The following VDR variants were observed in gnomAD, a reference collection of about 807,000 sequenced individuals.
The protein encoded by VDR is vitamin D receptor, also known as vitamin D3 receptor.
VDR carries 19 observed loss-of-function variants against 39.7 expected under a neutral mutation model. That is an observed-to-expected ratio of 0.48 (90% CI 0.33 to 0.70). The LOEUF is 0.70. Among genes scored for constraint, VDR ranks in the 30% least tolerant of loss-of-function variants. The pLI is 0.02. For synonymous variants in VDR, 242 were observed against 215.8 expected (o/e 1.12, Z -1.07); for missense variants, 442 against 570.5 (o/e 0.77, Z 2.29).
At chr12:47,884,518 A>C (rs1946218631) in intron 1 of VDR, among the ~76,000 whole-genome samples, 1 of 152,102 alleles carries the variant, frequency 6.6e-6, no homozygotes, top group African/African-American at 2.4e-5. Flanking sequence ...ACTGCTCCGC[A>C]CTGGGCCCTG....
chr12:47,859,910 C>T (rs868476415), intron 4 of VDR, among the ~76,000 whole-genome samples: 4,589 of 44,892 alleles, frequency 0.1, 563 homozygotes, highest in African/African-American at 0.14. Flanking sequence ...TCCTTCCTTC[C>T]TTCCTTCTTT....
At chr12:47,865,300 A>C (rs1299259092) in intron 3 of VDR, 123 bp from the exon 4 acceptor site, 28 of 1,452,974 alleles carry the variant, frequency 1.9e-5, no homozygotes, top group Non-Finnish European at 2.8e-6. Flanking sequence ...CATGAGGCCC[A>C]CCCCAGCTGC....
rs1390893088 is a variant in VDR, at chr12:47,842,761, CGCG to C, written c.*1982_*1984del. On this transcript the variant is annotated 3_prime_UTR_variant, in exon 10 of 10. Coordinates refer to ENST00000549336, the MANE Select transcript of VDR (RefSeq NM_000376.3). ...TGCTGGGATTACAGGCGTGAGCCAC[CGCG>C]CCGGGCCTGTCCTGGCCCACTTCTA... The C allele has an allele frequency of 6.6e-6, 1 of 151,860 alleles. No individual in the cohort carries two copies. Among genetic ancestry groups the C allele is most frequent in the Non-Finnish European group, 1.5e-5 (1 of 68,006 alleles). The allele number at this position is 151,860 out of a possible 1,614,324, so 9.4% of individuals were successfully genotyped here.
intron 1 of VDR, among the ~76,000 whole-genome samples, chr12:47,887,266 G>T (rs1237397166): frequency 3.6e-5 from 5 of 138,958 alleles, no homozygotes; most frequent in Non-Finnish European, 7.5e-5. Context: ...AGGTTGCAGT[G>T]AGCAGAGATC....
At chr12:47,874,414 C>G (rs921936878) in intron 3 of VDR, among the ~76,000 whole-genome samples, 1 of 152,176 alleles carries the variant, frequency 6.6e-6, no homozygotes, top group Non-Finnish European at 1.5e-5. Flanking sequence ...CTTCCTTTCA[C>G]ATCAGGTTGC....
intron 3 of VDR, among the ~76,000 whole-genome samples, chr12:47,866,395 G>A (rs777557139): frequency 1.3e-5 from 2 of 152,184 alleles, no homozygotes; most frequent in Admixed American, 6.5e-5. Context: ...GTGCCTGGCC[G>A]AAGAAACCTT....
chr12:47,904,903 AC>A, intron 1 of VDR, 51 bp downstream of exon 1: 1 of 296,002 alleles, frequency 3.4e-6, no homozygotes, highest in Non-Finnish European at 6.4e-6. Context: ...AGACGCCCCG[AC>A]CCCGAGTCCC....
intron 4 of VDR, among the ~76,000 whole-genome samples, chr12:47,858,279 A>G (rs998405279): frequency 3.3e-5 from 5 of 152,212 alleles, no homozygotes; most frequent in African/African-American, 1.2e-4. Context: ...GAGCTCTCAT[A>G]GCGCTGGAAG....
chr12:47,889,419 A>T (rs1019636094), intron 1 of VDR, among the ~76,000 whole-genome samples: 1 of 152,156 alleles, frequency 6.6e-6, no homozygotes, highest in African/African-American at 2.4e-5. Flanking sequence ...CTACATTCTT[A>T]CAATCAACAC....
At chr12:47,894,202 C>T (rs1199496105) in intron 1 of VDR, among the ~76,000 whole-genome samples, 3 of 152,206 alleles carry the variant, frequency 2.0e-5, no homozygotes, top group African/African-American at 7.2e-5. Context: ...ACTCAGGGTC[C>T]CTAGAGGAGC....
chr12:47,872,675 C>G (rs891015952), intron 3 of VDR, among the ~76,000 whole-genome samples: 12 of 152,198 alleles, frequency 7.9e-5, no homozygotes, highest in Non-Finnish European at 1.3e-4. Flanking sequence ...CCCAGCCCTT[C>G]CCTCTTCATA....
intron 1 of VDR, among the ~76,000 whole-genome samples, chr12:47,883,628 CACACACAA>C (rs781131605): frequency 5.6e-4 from 85 of 152,324 alleles, no homozygotes; most frequent in Middle Eastern, 3.4e-3. Flanking sequence ...CAGACACACA[CACACACAA>C]ACACACAAAC....
chr12:47,873,702 T>G (rs578258978), intron 3 of VDR, among the ~76,000 whole-genome samples: 1 of 152,216 alleles, frequency 6.6e-6, no homozygotes, highest in African/African-American at 2.4e-5. Flanking sequence ...GGTAGTTCTT[T>G]ATAGCAGTGT....
At chr12:47,879,590 C>T (rs1238089133) in intron 2 of VDR, among the ~76,000 whole-genome samples, 1 of 152,158 alleles carries the variant, frequency 6.6e-6, no homozygotes, top group African/African-American at 2.4e-5. Flanking sequence ...AGCCTCAGCA[C>T]CTACATGTGG....
chr12:47,897,936 TG>T (rs569895232), intron 1 of VDR, among the ~76,000 whole-genome samples: 239 of 152,342 alleles, frequency 1.6e-3, no homozygotes, highest in African/African-American at 5.4e-3. Context: ...AGCAAACTCA[TG>T]GTTCTTATAC....
intron 3 of VDR, among the ~76,000 whole-genome samples, chr12:47,866,269 G>A (rs11574059): frequency 0.017 from 2,535 of 151,434 alleles, 75 homozygotes; most frequent in African/African-American, 0.056. Flanking sequence ...CACCGCACCC[G>A]GCTAATTCTT....
Position 47,857,164 on chromosome 12 carries a change from G to A in VDR, c.548C>T (p.Ser183Phe). 6.2e-7 allele frequency: 1 copy of A among 1,614,208 alleles called. No homozygotes were observed. Among genetic ancestry groups the A allele is most frequent in the Non-Finnish European group, 8.5e-7 (1 of 1,180,026 alleles). ...GATACAGTGATCTGAGCAGGAGGAG[G>A]AGGAGTCCCCAGAGAAGCTGGGAGT... ...RHTPSFSGDS[S>F]SSCSDHCITS... is the part of the protein sequence containing the mutation. Residue 183 changes from serine to phenylalanine, a missense_variant, in exon 6 of 10, where the codon TCC (serine) becomes TTC (phenylalanine). Coordinates refer to ENST00000549336, the MANE Select transcript of VDR (RefSeq NM_000376.3).
intron 2 of VDR, among the ~76,000 whole-genome samples, chr12:47,880,731 G>T (rs1422183883): frequency 1.3e-5 from 2 of 151,860 alleles, no homozygotes; most frequent in Non-Finnish European, 2.9e-5. Context: ...TAATGGCAAA[G>T]ATCGCAATTA....
At chr12:47,884,766 G>T (rs558173874) in intron 1 of VDR, among the ~76,000 whole-genome samples, 1 of 152,184 alleles carries the variant, frequency 6.6e-6, no homozygotes, top group Admixed American at 6.5e-5. Context: ...AGGTCATGAG[G>T]GAAGAACCTG....
Sources: allele counts gnomAD v4.1 joint callset (sites outside exome capture counted in the v4.1 genomes callset), GRCh38; gene constraint gnomAD v4.1.1; transcripts MANE v1.5; gene names NCBI Gene and HGNC (gene_info 2026-07-23, HGNC 2026-07-21).